The following FAM117A variants were observed in gnomAD, a reference collection of about 807,000 sequenced individuals.
The protein encoded by FAM117A is family with sequence similarity 117 member A.
Under a neutral mutation model 44.1 loss-of-function variants are expected in FAM117A, and 21 were observed. That is an observed-to-expected ratio of 0.48 (90% CI 0.34 to 0.69). The LOEUF is 0.69. Ranked by LOEUF, FAM117A falls within the 30% of genes least tolerant of loss-of-function variation. The probability of loss-of-function intolerance (pLI) is 0.01; values close to 1 mark genes in which losing one functional copy is unlikely to be tolerated. For synonymous variants in FAM117A, 220 were observed against 238.3 expected (o/e 0.92, Z 0.71); for missense variants, 498 against 589.9 (o/e 0.84, Z 1.61).
intron 1 of FAM117A, among the ~76,000 whole-genome samples, chr17:49,751,592 T>A (rs2073677796): frequency 6.8e-6 from 1 of 147,062 alleles, no homozygotes; most frequent in Non-Finnish European, 1.5e-5. Flanking sequence ...AATAAATAAA[T>A]AAATAAATAA....
intron 1 of FAM117A, among the ~76,000 whole-genome samples, 189 bp downstream of exon 1, chr17:49,763,703 C>A (rs2073732606): frequency 1.3e-5 from 2 of 152,184 alleles, no homozygotes. Context: ...TCCGTCCCAG[C>A]GGTGCTCCCC....
At chr17:49,735,051 CTGTT>C (rs2073604541) in intron 1 of FAM117A, among the ~76,000 whole-genome samples, 2 of 152,198 alleles carry the variant, frequency 1.3e-5, no homozygotes, top group South Asian at 4.1e-4. Flanking sequence ...TACACAGTCT[CTGTT>C]TGAGATGATG....
chr17:49,771,803 A>G (rs571797656), intron 1 of FAM117A, among the ~76,000 whole-genome samples: 8 of 152,226 alleles, frequency 5.3e-5, no homozygotes, highest in Non-Finnish European at 8.8e-5. Context: ...TGTATAAACC[A>G]AAAGATCTGT....
chr17:49,759,035 C>T (rs919418652), intron 1 of FAM117A, among the ~76,000 whole-genome samples: 1 of 152,246 alleles, frequency 6.6e-6, no homozygotes, highest in African/African-American at 2.4e-5. Flanking sequence ...TTAGCACCAT[C>T]ACTATGAAAG....
chr17:49,771,076 C>T (rs1352501795), intron 1 of FAM117A, among the ~76,000 whole-genome samples: 1 of 151,694 alleles, frequency 6.6e-6, no homozygotes, highest in East Asian at 1.9e-4. Context: ...GGTGTGGTGG[C>T]AGGTGCCTGT....
At chr17:49,729,914 C>G (rs1054883641) in intron 2 of FAM117A, among the ~76,000 whole-genome samples, 1 of 152,184 alleles carries the variant, frequency 6.6e-6, no homozygotes, top group African/African-American at 2.4e-5. Context: ...CCAGTCAAAC[C>G]TCTCCTTCCT....
In FAM117A at chr17:49,719,711, C is replaced by G. The variant is rs1223087311; in HGVS notation, c.708+49G>C. 3 of 1,491,280 alleles carry G rather than the reference C, an allele frequency of 2.0e-6. No individual in the cohort carries two copies. The East Asian group carries it at 7.6e-5, about 38-fold the overall frequency. The allele number at this position is 1,491,280 out of a possible 1,614,324, so 92.4% of individuals were successfully genotyped here. A position where few individuals can be genotyped will look rare whatever the true frequency, so the allele number is the denominator to read the frequency against. The stretch of plus-strand genomic sequence containing the variant: ...GACTCCCAGTTCCCCTCGCCCAGGC[C>G]AAGTGAGGCACGGACTGTGGGTGCA... On this transcript the variant is annotated intron_variant, in intron 5 of 7. Transcript: ENST00000240364.
rs2073474776 is a variant in FAM117A at position 49,711,073 on chromosome 17, T to C, written c.*182A>G. 1 of 578,388 alleles carries C rather than the reference T, an allele frequency of 1.7e-6. No homozygotes were observed. Among genetic ancestry groups the C allele is most frequent in the South Asian group, 2.4e-5 (1 of 41,094 alleles). The allele number at this position is 578,388 out of a possible 1,614,324, so 35.8% of individuals were successfully genotyped here. On this transcript the variant is annotated 3_prime_UTR_variant, in exon 8 of 8. Transcript: ENST00000240364. ...CTACTAGTGGAGAAGGCAGGTCCCATCACGTTCAGAGGGGCCGGTGCCCAT... is the reference window on the plus strand; with the variant it reads ...CTACTAGTGGAGAAGGCAGGTCCCACCACGTTCAGAGGGGCCGGTGCCCAT...
rs1465424055 is a variant in FAM117A at position 49,711,399 on chromosome 17, T to C, written c.1218A>G (p.Gly406=). The C allele has an allele frequency of 6.2e-7, 1 of 1,612,420 alleles. No individual in the cohort carries two copies. The highest frequency in any genetic ancestry group is 8.5e-7 in the Non-Finnish European group (1 of 1,179,416). The change falls in exon 8 of 8, where the codon GGA becomes GGG. Residue 406 remains glycine, a synonymous_variant. Transcript: ENST00000240364. ...TGGGGCTGGCCGGGGGAAGGGGAGA[T>C]CCCGGGTTTGAGGGGCAGTTACGGA... is the stretch of plus-strand genomic sequence containing the variant. The part of the protein sequence containing the change: ...FIFRNCPSNP[G]SPLPPASPRP...
At chr17:49,736,684 C>G (rs149600191) in intron 1 of FAM117A, among the ~76,000 whole-genome samples, 1 of 152,196 alleles carries the variant, frequency 6.6e-6, no homozygotes, top group African/African-American at 2.4e-5. Context: ...ATGTCCCAAG[C>G]CTTCCCTCCT....
In FAM117A at chr17:49,774,479, C is replaced by A. The variant is rs146774621; in HGVS notation, c.-621+14018G>T. ...GGTTCAAGCGATTCTCCTGTCTCAG[C>A]CTCCCGAGTAGCTGGGACTACAGGC... On this transcript the variant is annotated intron_variant, in intron 1 of 7. Coordinates refer to the FAM117A transcript ENST00000513602. 6.9e-4 allele frequency among the ~76,000 whole-genome samples: 105 copies of A among 152,138 alleles called. 1 individual carries two copies. The East Asian group carries it at 0.019, about 27-fold the overall frequency.
intron 2 of FAM117A, among the ~76,000 whole-genome samples, chr17:49,731,664 A>C (rs1184427274): frequency 6.6e-6 from 1 of 152,248 alleles, no homozygotes; most frequent in South Asian, 2.1e-4. Context: ...AGAACTTCCC[A>C]TTCCTATGGC....
chr17:49,732,232 T>C (rs1256394058), intron 2 of FAM117A: 1 of 201,674 alleles, frequency 5.0e-6, no homozygotes. Flanking sequence ...TCCATATAAG[T>C]TTACAAAGAA....
intron 5 of FAM117A, among the ~76,000 whole-genome samples, chr17:49,719,349 A>C (rs2073521857): frequency 6.6e-6 from 1 of 152,102 alleles, no homozygotes. Flanking sequence ...GCATAGGAGC[A>C]GCTTGGCATG....
intron 7 of FAM117A, among the ~76,000 whole-genome samples, chr17:49,714,333 T>TC (rs960613502): frequency 6.7e-6 from 1 of 149,852 alleles, no homozygotes; most frequent in African/African-American, 2.4e-5. Flanking sequence ...TCACCACCAC[T>TC]CTTTTTTTTT....
chr17:49,770,303 G>C (rs1183949271), intron 1 of FAM117A, among the ~76,000 whole-genome samples: 1 of 150,618 alleles, frequency 6.6e-6, no homozygotes, highest in Non-Finnish European at 1.5e-5. Context: ...GATTTAGATG[G>C]AGTACTTTTC....
At chr17:49,720,572 C>A in intron 3 of FAM117A, 136 bp from the exon 4 acceptor site, 1 of 652,186 alleles carries the variant, frequency 1.5e-6, no homozygotes, top group South Asian at 1.8e-5. Context: ...TCTTCCATCT[C>A]AAAATAGCTC....
intron 4 of FAM117A, 102 bp downstream of exon 4, chr17:49,720,223 TG>T: frequency 1.1e-6 from 1 of 892,690 alleles, no homozygotes; most frequent in Non-Finnish European, 1.7e-6. Context: ...GCATGCAGTG[TG>T]GTAGGGGGCT....
At chr17:49,764,400 A>G (rs1422373760), upstream of FAM117A, among the ~76,000 whole-genome samples, 3 of 152,126 alleles carry the variant, frequency 2.0e-5, no homozygotes, top group Non-Finnish European at 4.4e-5. Flanking sequence ...CAGCGCCACC[A>G]ATGAGAAGAC....
Sources: gnomAD v4.1 joint callset for allele counts (sites outside exome capture counted in the v4.1 genomes callset) on GRCh38, gnomAD v4.1.1 for gene constraint, MANE v1.5 for transcripts, NCBI Gene and HGNC (gene_info 2026-07-23, HGNC 2026-07-21) for gene names.